The following STIM2 variants were observed in gnomAD, a reference collection of about 807,000 sequenced individuals.
The protein encoded by STIM2 is stromal interaction molecule 2.
STIM2 carries 31 observed loss-of-function variants against 85.8 expected under a neutral mutation model. The observed-to-expected ratio is 0.36, with a 90% CI of 0.27 to 0.49. The LOEUF (loss-of-function observed/expected upper bound fraction) is 0.49. STIM2 is among the 20% of genes least tolerant of loss of function. The pLI is 0.98. For synonymous variants in STIM2, 356 were observed against 331.1 expected, an observed-to-expected ratio of 1.08 and a Z score of -0.82; for missense variants, 841 against 927.6, an observed-to-expected ratio of 0.91 and a Z score of 1.21.
chr4:26,890,589 C>G (rs1000413856), intron 1 of STIM2, among the ~76,000 whole-genome samples: 13 of 152,080 alleles, frequency 8.5e-5, no homozygotes, highest in Non-Finnish European at 1.6e-4. Flanking sequence ...CTTTGGGAGG[C>G]CGAGGCGGGT....
chr4:27,003,070 G>A lies in STIM2; in HGVS notation c.947G>A (p.Ser316Asn), dbSNP rs751106460. 1.3e-6 allele frequency: 2 copies of A among 1,595,036 alleles called. No individual in the cohort carries two copies. The highest frequency in any genetic ancestry group is 8.5e-7 in the Non-Finnish European group (1 of 1,173,230). The stretch of plus-strand genomic sequence containing the variant: ...AGGGAGGGAGCTGAATGTGAATTGA[G>A]TAGACGTCAGTATGCAGAACAGGAA... Residue 316 changes from serine (S) to asparagine (N), a missense_variant, in exon 7 of 12, where the codon AGT becomes AAT. Ser to Asn is a conservative substitution (Grantham distance 46). This residue lies in a region of STIM2 where 408 missense variants were observed against 525.4 expected (regional missense o/e 0.78). Transcript: ENST00000467087.
intron 2 of STIM2, among the ~76,000 whole-genome samples, chr4:26,921,850 TTATAA>T (rs1265404595): frequency 1.3e-5 from 2 of 152,236 alleles, no homozygotes; most frequent in Middle Eastern, 3.2e-3. Flanking sequence ...ATCTTCAGTC[TTATAA>T]TATCTCTGCA....
intron 8 of STIM2, 77 bp downstream of exon 8, chr4:27,007,777 C>T: frequency 5.0e-6 from 7 of 1,395,770 alleles, no homozygotes; most frequent in Non-Finnish European, 6.7e-6. Flanking sequence ...AGCTGGGATA[C>T]ACAGATCTGA....
At chr4:26,899,387 G>A (rs890562076) in intron 1 of STIM2, among the ~76,000 whole-genome samples, 13 of 152,054 alleles carry the variant, frequency 8.5e-5, no homozygotes, top group South Asian at 2.1e-4. Flanking sequence ...TATAATTTTC[G>A]TGTCTAGTAC....
At chr4:26,868,865 T>C (rs148112106) in intron 1 of STIM2, among the ~76,000 whole-genome samples, 1 of 152,316 alleles carries the variant, frequency 6.6e-6, no homozygotes, top group Non-Finnish European at 1.5e-5. Context: ...TTGCCACACA[T>C]ATTCAGACTG....
rs1305627192 is a variant in STIM2, at chr4:27,023,060, C to A, written c.*64C>A. 18 of 1,460,980 alleles carry A rather than the reference C, an allele frequency of 1.2e-5. No individual in the cohort carries two copies. Among genetic ancestry groups the A allele is most frequent in the Non-Finnish European group, 1.7e-5 (18 of 1,083,554 alleles). 90.5% of individuals were successfully genotyped at this position (1,460,980 alleles called of 1,614,324 possible). A position where few individuals can be genotyped will look rare whatever the true frequency, so the allele number is the denominator to read the frequency against. On this transcript the variant is annotated 3_prime_UTR_variant, in exon 12 of 12. Transcript: ENST00000467087. ...GTAAACTATTATCCCCCACCCTCCA[C>A]TCCCCACCTTTTTTTTGGTTTAATT... is the stretch of plus-strand genomic sequence containing the variant.
In STIM2 at chr4:26,957,716, A is replaced by G. The variant is rs766874791; in HGVS notation, c.387A>G (p.Lys129=). 8 of 1,597,300 alleles carry G rather than the reference A, an allele frequency of 5.0e-6. 1 individual carries two copies. The Middle Eastern group carries it at 6.7e-4, about 133-fold the overall frequency. The change falls in exon 3 of 12, where the codon AAA becomes AAG. Residue 129 remains lysine, a synonymous_variant. Transcript: ENST00000467087. ...TTGAGGATTTATGGAAACGATGGAAAACATCAGAAGGTAAGACTGCCTTTG... is the reference window on the plus strand; with the variant it reads ...TTGAGGATTTATGGAAACGATGGAAGACATCAGAAGGTAAGACTGCCTTTG...
chr4:26,960,536 T>C (rs1038110012), intron 3 of STIM2, among the ~76,000 whole-genome samples: 1 of 152,092 alleles, frequency 6.6e-6, no homozygotes, highest in African/African-American at 2.4e-5. Context: ...AGTAAATAAT[T>C]GTTGAATGAA....
intron 4 of STIM2, among the ~76,000 whole-genome samples, chr4:26,997,761 T>C (rs1273292578): frequency 6.6e-6 from 1 of 152,210 alleles, no homozygotes; most frequent in African/African-American, 2.4e-5. Flanking sequence ...CTTCATGCAA[T>C]TTGATAAGTG....
intron 1 of STIM2, among the ~76,000 whole-genome samples, chr4:26,915,402 T>G (rs749514100): frequency 5.3e-5 from 8 of 151,990 alleles, no homozygotes; most frequent in Non-Finnish European, 8.8e-5. Flanking sequence ...GCCCGGCTAA[T>G]TTTTGTATTT....
At chr4:26,884,482 G>A (rs1179474906) in intron 1 of STIM2, among the ~76,000 whole-genome samples, 2 of 152,176 alleles carry the variant, frequency 1.3e-5, no homozygotes, top group Non-Finnish European at 2.9e-5. Context: ...TTGTAATAAA[G>A]GTTTAGAAAA....
At chr4:26,891,814 C>T (rs113759132) in intron 1 of STIM2, among the ~76,000 whole-genome samples, 4 of 152,142 alleles carry the variant, frequency 2.6e-5, no homozygotes, top group African/African-American at 9.7e-5. Flanking sequence ...CATCACTAGA[C>T]CCTTAGAAAT....
chr4:26,975,288 G>A (rs1256670325), intron 3 of STIM2, among the ~76,000 whole-genome samples: 2 of 152,258 alleles, frequency 1.3e-5, no homozygotes, highest in South Asian at 2.1e-4. Flanking sequence ...CATTGCTGGC[G>A]AGGAGCTGCA....
intron 1 of STIM2, among the ~76,000 whole-genome samples, chr4:26,867,343 G>A (rs866488326): frequency 1.4e-4 from 21 of 151,976 alleles, no homozygotes; most frequent in South Asian, 8.3e-4. Context: ...ATAAAGATTA[G>A]TTTTTAAAAA....
At chr4:26,965,785 T>A (rs1726694374) in intron 3 of STIM2, among the ~76,000 whole-genome samples, 1 of 152,112 alleles carries the variant, frequency 6.6e-6, no homozygotes. Context: ...CAATCCTGCC[T>A]TCTTTACATA....
intron 2 of STIM2, among the ~76,000 whole-genome samples, chr4:26,947,157 T>A (rs980795327): frequency 6.6e-6 from 1 of 152,164 alleles, no homozygotes; most frequent in African/African-American, 2.4e-5. Flanking sequence ...GCTCCAAGTG[T>A]TGTATTCTCC....
chr4:26,907,812 A>G (rs1724185822), intron 1 of STIM2, among the ~76,000 whole-genome samples: 1 of 152,220 alleles, frequency 6.6e-6, no homozygotes, highest in South Asian at 2.1e-4. Flanking sequence ...TTCCCAACTT[A>G]AAAATACTTA....
Position 26,861,180 on chromosome 4 carries a change from G to A in STIM2, c.-39G>A, listed in dbSNP as rs1311137180. On this transcript the variant is annotated 5_prime_UTR_variant, in exon 1 of 12. Transcript: ENST00000467087. Reference sequence around the variant, plus strand: ...TCATCCCGCCTCGACTCCTGGCCCAGCGTGGGGCTGGCTGCTGCGGCGGCG... The same window carrying A: ...TCATCCCGCCTCGACTCCTGGCCCAACGTGGGGCTGGCTGCTGCGGCGGCG... The A allele has an allele frequency of 1.1e-5, 16 of 1,427,442 alleles. No homozygotes were observed. Among genetic ancestry groups the A allele is most frequent in the Non-Finnish European group, 1.5e-5 (16 of 1,088,814 alleles). 88.4% of individuals were successfully genotyped at this position (1,427,442 alleles called of 1,614,324 possible).
chr4:27,019,286 G>T, intron 11 of STIM2: 1 of 493,910 alleles, frequency 2.0e-6, no homozygotes, highest in Non-Finnish European at 3.6e-6. Context: ...AGTGATCAGT[G>T]CAGCATATTC....
Sources: allele counts gnomAD v4.1 joint callset (sites outside exome capture counted in the v4.1 genomes callset), GRCh38; gene constraint gnomAD v4.1.1; regional missense constraint gnomAD v4.1.1; transcripts MANE v1.5; gene names NCBI Gene and HGNC (gene_info 2026-07-23, HGNC 2026-07-21).